The following UVRAG variants were observed in gnomAD, a reference collection of about 807,000 sequenced individuals.
The protein encoded by UVRAG is UV radiation resistance associated.
Under a neutral mutation model 78.0 loss-of-function variants are expected in UVRAG, and 19 were observed. That is an observed-to-expected ratio of 0.24 (90% confidence interval 0.17 to 0.36). The LOEUF (loss-of-function observed/expected upper bound fraction) is 0.36. Among genes scored for constraint, UVRAG ranks in the 10% least tolerant of loss-of-function variants. UVRAG has a pLI of 1.00. For synonymous variants in UVRAG, 323 were observed against 324.6 expected, an observed-to-expected ratio of 1.00 and a Z score of 0.05; for missense variants, 740 against 853.8, an observed-to-expected ratio of 0.87 and a Z score of 1.66.
At chr11:76,005,433 A>G (rs985748143) in intron 9 of UVRAG, among the ~76,000 whole-genome samples, 8 of 152,184 alleles carry the variant, frequency 5.3e-5, no homozygotes, top group African/African-American at 1.9e-4. Context: ...ATGCTCTGGT[A>G]AGTTACTGTT....
At chr11:76,090,428 A>C (rs1386818321) in intron 13 of UVRAG, among the ~76,000 whole-genome samples, 2 of 152,032 alleles carry the variant, frequency 1.3e-5, no homozygotes, top group Non-Finnish European at 2.9e-5. Context: ...ATAAATTCCC[A>C]TTCCCTTTAA....
chr11:75,859,002 C>T (rs1244165317), intron 2 of UVRAG, among the ~76,000 whole-genome samples: 1 of 152,110 alleles, frequency 6.6e-6, no homozygotes, highest in Non-Finnish European at 1.5e-5. Context: ...TGTTTCTTTC[C>T]GTCTTAGCAT....
chr11:75,833,311 A>G (rs1362829466), intron 1 of UVRAG, among the ~76,000 whole-genome samples: 1 of 151,966 alleles, frequency 6.6e-6, no homozygotes, highest in Non-Finnish European at 1.5e-5. Context: ...CTTCAGGGAG[A>G]CTCAGGTAAA....
In UVRAG at chr11:76,117,564, T is replaced by C. The variant is rs1952203951; in HGVS notation, c.1397+1549T>C. ...ATAAAAATCAAAATGTCCATTTTAC[T>C]ATTGATAAAGCTACTTGGAAAATGG... On this transcript the variant is annotated intron_variant, in intron 14 of 14. Transcript: ENST00000356136. Among the ~76,000 whole-genome samples the C allele has an allele frequency of 2.6e-5, 4 of 152,284 alleles. 1 individual carries two copies. In the South Asian group the frequency reaches 8.3e-4, roughly 31 times the overall value.
At chr11:76,111,826 T>G (rs1297026584) in intron 13 of UVRAG, among the ~76,000 whole-genome samples, 2 of 151,866 alleles carry the variant, frequency 1.3e-5, no homozygotes, top group Non-Finnish European at 2.9e-5. Flanking sequence ...CCTTCACAGC[T>G]TTTTAGAGTC....
At chr11:75,857,245 AGG>A (rs1946310852) in intron 2 of UVRAG, among the ~76,000 whole-genome samples, 2 of 152,154 alleles carry the variant, frequency 1.3e-5, no homozygotes, top group African/African-American at 4.8e-5. Context: ...TTCACAGAAA[AGG>A]CTAAAATCCT....
chr11:75,875,718 C>T (rs1056781610), intron 3 of UVRAG, among the ~76,000 whole-genome samples: 1 of 151,790 alleles, frequency 6.6e-6, no homozygotes, highest in Non-Finnish European at 1.5e-5. Context: ...GCAACTTTCC[C>T]TACAGACATC....
chr11:75,948,914 T>C (rs951383431), intron 6 of UVRAG, among the ~76,000 whole-genome samples: 1 of 152,148 alleles, frequency 6.6e-6, no homozygotes, highest in Non-Finnish European at 1.5e-5. Flanking sequence ...TCTAAGGAAA[T>C]ATAATTTTAG....
At chr11:75,959,860 G>A (rs1362531236) in intron 6 of UVRAG, among the ~76,000 whole-genome samples, 1 of 152,100 alleles carries the variant, frequency 6.6e-6, no homozygotes, top group Non-Finnish European at 1.5e-5. Flanking sequence ...GTAAGGCTTG[G>A]CCTAATTTCA....
intron 5 of UVRAG, among the ~76,000 whole-genome samples, chr11:75,894,708 A>C: frequency 6.6e-6 from 1 of 151,484 alleles, no homozygotes. Context: ...CAGACTGTAT[A>C]ATCCTAGCAC....
intron 3 of UVRAG, among the ~76,000 whole-genome samples, chr11:75,878,065 G>A (rs538735135): frequency 2.0e-5 from 3 of 151,296 alleles, no homozygotes; most frequent in East Asian, 4.0e-4. Context: ...TTCTCCAGAC[G>A]GGGCGGCTGC....
intron 14 of UVRAG, among the ~76,000 whole-genome samples, chr11:76,123,657 A>G (rs998023028): frequency 6.6e-6 from 1 of 152,230 alleles, no homozygotes; most frequent in African/African-American, 2.4e-5. Context: ...CATGCAAGGT[A>G]GTATAACACA....
intron 10 of UVRAG, 73 bp downstream of exon 10, chr11:76,007,694 A>G: frequency 8.4e-7 from 1 of 1,190,272 alleles, no homozygotes; most frequent in Admixed American, 1.8e-5. Context: ...CCTCTCAATG[A>G]AAAAACTCAT....
intron 8 of UVRAG, among the ~76,000 whole-genome samples, chr11:75,999,145 A>T (rs569392844): frequency 2.6e-5 from 4 of 151,270 alleles, no homozygotes; most frequent in Non-Finnish European, 4.4e-5. Context: ...AGGCAGGAGA[A>T]TTGCTTGAAC....
intron 13 of UVRAG, among the ~76,000 whole-genome samples, chr11:76,096,181 A>C (rs1352256897): frequency 6.6e-6 from 1 of 152,162 alleles, no homozygotes; most frequent in Non-Finnish European, 1.5e-5. Flanking sequence ...CAAAATAAGG[A>C]GACACAAAAC....
chr11:75,987,574 A>T (rs1220461627), intron 8 of UVRAG, among the ~76,000 whole-genome samples: 1 of 152,174 alleles, frequency 6.6e-6, no homozygotes, highest in Non-Finnish European at 1.5e-5. Flanking sequence ...AAATAGAAGT[A>T]GTATCAGTGG....
At chr11:75,949,712 T>TAC (rs1216546112) in intron 6 of UVRAG, among the ~76,000 whole-genome samples, 3,899 of 145,130 alleles carry the variant, frequency 0.027, 174 homozygotes, top group African/African-American at 0.099. Flanking sequence ...TATATATATA[T>TAC]ATACACACAC....
intron 13 of UVRAG, among the ~76,000 whole-genome samples, chr11:76,097,791 G>A (rs1951811884): frequency 6.6e-6 from 1 of 152,116 alleles, no homozygotes; most frequent in Non-Finnish European, 1.5e-5. Flanking sequence ...TATATAGCTA[G>A]TTGAAATTCT....
chr11:76,109,375 A>T (rs763762611), intron 13 of UVRAG, among the ~76,000 whole-genome samples: 2 of 152,198 alleles, frequency 1.3e-5, no homozygotes, highest in African/African-American at 2.4e-5. Context: ...AGCAAGATAA[A>T]GTTGAACTCT....
Sources: gnomAD v4.1 joint callset for allele counts (sites outside exome capture counted in the v4.1 genomes callset) on GRCh38, gnomAD v4.1.1 for gene constraint, MANE v1.5 for transcripts, NCBI Gene and HGNC (gene_info 2026-07-23, HGNC 2026-07-21) for gene names.